NTM: variants seen among roughly 807,000 people sequenced by gnomAD.
The protein encoded by NTM is IgLON family member 2.
NTM carries 13 observed loss-of-function variants against 42.1 expected under a neutral mutation model. The ratio of observed to expected loss-of-function variants is 0.31; its 90% confidence interval spans 0.20 to 0.49. The LOEUF (loss-of-function observed/expected upper bound fraction) is 0.49, where lower values mean the gene tolerates loss of function less well. NTM is among the 20% of genes least tolerant of loss of function. The pLI, the probability that NTM is intolerant of heterozygous loss-of-function variation, is 0.99. For synonymous variants in NTM, 187 were observed against 179.2 expected (o/e 1.04, Z -0.35); for missense variants, 373 against 452.8 (o/e 0.82, Z 1.60).
chr11:131,825,349 A>G (rs745366746), intron 1 of NTM, among the ~76,000 whole-genome samples: 11 of 149,144 alleles, frequency 7.4e-5, no homozygotes, highest in South Asian at 6.5e-4. Flanking sequence ...ATTCTGAGAT[A>G]TTAGGGGTTA....
At chr11:131,453,311 T>C (rs1197199743) in intron 1 of NTM, among the ~76,000 whole-genome samples, 3 of 152,144 alleles carry the variant, frequency 2.0e-5, no homozygotes, top group Non-Finnish European at 4.4e-5. Flanking sequence ...CTTCCCCGTA[T>C]GTGCCTTCAA....
At chr11:131,371,693 T>G (rs1941206004) in intron 1 of NTM, among the ~76,000 whole-genome samples, 1 of 152,222 alleles carries the variant, frequency 6.6e-6, no homozygotes, top group Admixed American at 6.5e-5. Flanking sequence ...TGAGTCCATT[T>G]GCTGCACCGT....
At chr11:131,553,618 G>A (rs758255660) in intron 1 of NTM, among the ~76,000 whole-genome samples, 3 of 151,984 alleles carry the variant, frequency 2.0e-5, no homozygotes, top group Admixed American at 6.6e-5. Context: ...CACCCTTCAC[G>A]CCCACTACCA....
chr11:131,744,427 A>G (rs1350243428), intron 1 of NTM, among the ~76,000 whole-genome samples: 2 of 152,054 alleles, frequency 1.3e-5, no homozygotes, highest in Non-Finnish European at 2.9e-5. Flanking sequence ...CCTCCTTCCT[A>G]CTCAAGTTAA....
intron 1 of NTM, among the ~76,000 whole-genome samples, chr11:131,578,878 G>C (rs762455998): frequency 2.0e-4 from 30 of 152,172 alleles, no homozygotes; most frequent in African/African-American, 7.0e-4. Context: ...GGCTGATAAG[G>C]TTCAAGCAGA....
intron 1 of NTM, among the ~76,000 whole-genome samples, chr11:131,724,519 G>A (rs1382844933): frequency 6.6e-6 from 1 of 152,116 alleles, no homozygotes; most frequent in African/African-American, 2.4e-5. Context: ...AATAAGAACG[G>A]AAGTGAGGAG....
chr11:131,530,449 ACC>A (rs1456209440), intron 1 of NTM, among the ~76,000 whole-genome samples: 1 of 147,990 alleles, frequency 6.8e-6, no homozygotes, highest in African/African-American at 2.6e-5. Flanking sequence ...AAAAAGACTG[ACC>A]AGTTCTTTTA....
rs190054432 is a variant in NTM at position 131,578,278 on chromosome 11, C to T, written c.82+207390C>T. 8.1e-4 allele frequency among the ~76,000 whole-genome samples: 123 copies of T among 152,252 alleles called. 2 individuals carry two copies. In the East Asian group the frequency reaches 0.022, roughly 27 times the overall value. The stretch of plus-strand genomic sequence containing the variant: ...AAAATGCAATATTTTATAATTAGGT[C>T]CCCCAAGCAAATTATTCAAATATAG... On this transcript the variant is annotated intron_variant, in intron 1 of 8. Transcript: ENST00000683400.
chr11:132,206,118 A>G lies in NTM; in HGVS notation c.401-5904A>G, dbSNP rs377479754. On this transcript the variant is annotated intron_variant, in intron 3 of 8. Coordinates refer to ENST00000683400, the MANE Select transcript of NTM (RefSeq NM_001352005.2). ...GCCAACAGTTTAATCCAGGCTTTGAACATCACTGTCGATTGATTTCTGTGA... is the reference window on the plus strand; with the variant it reads ...GCCAACAGTTTAATCCAGGCTTTGAGCATCACTGTCGATTGATTTCTGTGA... Among the ~76,000 whole-genome samples the G allele has an allele frequency of 6.0e-4, 91 of 152,300 alleles. 1 individual carries two copies. The East Asian group carries it at 7.3e-3, about 12-fold the overall frequency.
chr11:131,604,678 A>AATTTTTTAAAATT (rs2060778566), intron 1 of NTM, among the ~76,000 whole-genome samples: 1 of 140,528 alleles, frequency 7.1e-6, no homozygotes, highest in Non-Finnish European at 1.5e-5. Context: ...CTATTATGTC[A>AATTTTTTAAAATT]AGGTCCATGG....
At chr11:131,837,618 C>G (rs529505795) in intron 1 of NTM, among the ~76,000 whole-genome samples, 196 of 152,284 alleles carry the variant, frequency 1.3e-3, no homozygotes, top group African/African-American at 4.5e-3. Context: ...TGGGTGGTCC[C>G]GGATCCTCTG....
At chr11:131,903,977 A>T (rs2053524536) in intron 1 of NTM, among the ~76,000 whole-genome samples, 2 of 152,194 alleles carry the variant, frequency 1.3e-5, no homozygotes, top group African/African-American at 4.8e-5. Context: ...GGAGCTAAAA[A>T]TTCAAACACA....
chr11:132,282,768 CAT>C (rs1178569157), intron 4 of NTM, among the ~76,000 whole-genome samples: 1 of 152,038 alleles, frequency 6.6e-6, no homozygotes, highest in East Asian at 1.9e-4. Context: ...AAGAGAGAAA[CAT>C]AATCTACACA....
chr11:132,268,500 G>A (rs532388410), intron 4 of NTM, among the ~76,000 whole-genome samples: 5 of 152,172 alleles, frequency 3.3e-5, no homozygotes, highest in East Asian at 3.9e-4. Context: ...GCATACAATC[G>A]TGTTTGGTGA....
chr11:131,603,708 TG>T (rs1293441521), intron 1 of NTM, among the ~76,000 whole-genome samples: 2 of 152,236 alleles, frequency 1.3e-5, no homozygotes, highest in Admixed American at 6.5e-5. Flanking sequence ...CACTCAGCAC[TG>T]GGCAACCGTT....
chr11:131,803,833 G>A (rs1477874491), intron 1 of NTM, among the ~76,000 whole-genome samples: 2 of 152,212 alleles, frequency 1.3e-5, no homozygotes, highest in Admixed American at 1.3e-4. Flanking sequence ...ATTCTCTAGA[G>A]TTCTGTCCCC....
At chr11:131,395,604 G>A (rs551122689) in intron 1 of NTM, among the ~76,000 whole-genome samples, 7 of 152,218 alleles carry the variant, frequency 4.6e-5, no homozygotes, top group African/African-American at 1.7e-4. Context: ...ACAGGTCATG[G>A]CCCCCTTATA....
At chr11:131,412,664 C>T (rs1946549120) in intron 1 of NTM, among the ~76,000 whole-genome samples, 1 of 152,138 alleles carries the variant, frequency 6.6e-6, no homozygotes, top group Admixed American at 6.5e-5. Flanking sequence ...TGATGGCACT[C>T]GTATCTCATC....
intron 1 of NTM, among the ~76,000 whole-genome samples, chr11:131,833,131 G>T (rs188011939): frequency 2.6e-5 from 4 of 152,072 alleles, no homozygotes; most frequent in African/African-American, 9.7e-5. Flanking sequence ...GTATCGTTCT[G>T]ACCACATATT....
Sources: gnomAD v4.1 joint callset for allele counts (sites outside exome capture counted in the v4.1 genomes callset) on GRCh38, gnomAD v4.1.1 for gene constraint, MANE v1.5 for transcripts, NCBI Gene and HGNC (gene_info 2026-07-23, HGNC 2026-07-21) for gene names.